Variants in PCDHA1 observed in about 807,000 individuals in gnomAD.
PCDHA1 encodes protocadherin alpha 1.
In PCDHA1, 42 loss-of-function variants were observed where a neutral mutation model predicts 61.3. That is an observed-to-expected ratio of 0.69 (90% confidence interval 0.54 to 0.89). PCDHA1 has a LOEUF of 0.89. Among genes scored for constraint, PCDHA1 ranks in the 40% least tolerant of loss-of-function variants. The probability of loss-of-function intolerance (pLI) is 0.00; values close to 1 mark genes in which losing one functional copy is unlikely to be tolerated. For missense variants in PCDHA1, 1,256 were observed against 1,235.3 expected (o/e 1.02, Z -0.25); for synonymous variants, 610 against 553.8 (o/e 1.10, Z -1.43).
intron 1 of PCDHA1, chr5:140,857,244 C>A: frequency 6.3e-7 from 1 of 1,598,592 alleles, no homozygotes; most frequent in Admixed American, 1.7e-5. Flanking sequence ...CTGGTGTCCA[C>A]CTACAAGAAT....
chr5:140,929,140 C>T, intron 1 of PCDHA1: 1 of 1,614,176 alleles, frequency 6.2e-7, no homozygotes, highest in Non-Finnish European at 8.5e-7. Context: ...AGTTGAGAGA[C>T]TTTCTCAGAC....
chr5:140,795,421 C>T (rs1455113035), intron 1 of PCDHA1: 53 of 1,614,158 alleles, frequency 3.3e-5, no homozygotes, highest in Non-Finnish European at 4.4e-5. Flanking sequence ...TTCTCGGTTT[C>T]CTCTAGAGGG....
chr5:140,968,307 A>G (rs1554230602), intron 1 of PCDHA1: 1 of 1,613,964 alleles, frequency 6.2e-7, no homozygotes, highest in South Asian at 1.1e-5. Context: ...AGGGAGATTC[A>G]AGGGCTGCCA....
rs370205855 is a variant in PCDHA1, at chr5:140,802,282, A to T, written c.2394+13598A>T. On this transcript the variant is annotated intron_variant, in intron 1 of 3. Transcript: ENST00000504120. ...TCACTATCTTTACCTGTATTAGAAGACTCTCCACTTAGCACAGTCATCGCT... is the reference window on the plus strand; with the variant it reads ...TCACTATCTTTACCTGTATTAGAAGTCTCTCCACTTAGCACAGTCATCGCT... 1.9e-6 allele frequency: 3 copies of T among 1,614,108 alleles called. No homozygotes were observed. The highest frequency in any genetic ancestry group is 1.6e-4 in the Middle Eastern group (1 of 6,062).
At chr5:140,926,908 G>C (rs950305439) in intron 1 of PCDHA1, 2 of 1,560,316 alleles carry the variant, frequency 1.3e-6, no homozygotes, top group Admixed American at 1.8e-5. Flanking sequence ...GGGCTGTGGG[G>C]TGGCAGTTTT....
At chr5:140,872,181 G>T (rs2053527538) in intron 1 of PCDHA1, among the ~76,000 whole-genome samples, 1 of 151,138 alleles carries the variant, frequency 6.6e-6, no homozygotes, top group Admixed American at 6.6e-5. Flanking sequence ...TTTTTTTACA[G>T]TGTTAAACGT....
chr5:140,916,022 A>G (rs982398362), intron 1 of PCDHA1, among the ~76,000 whole-genome samples: 1 of 151,978 alleles, frequency 6.6e-6, no homozygotes, highest in Non-Finnish European at 1.5e-5. Context: ...AGTCTTTCCC[A>G]TTCTTCCCTC....
At chr5:140,830,159 G>A (rs2150182204) in intron 1 of PCDHA1, 33 of 1,613,266 alleles carry the variant, frequency 2.0e-5, no homozygotes, top group Non-Finnish European at 2.7e-5. Flanking sequence ...CGCGGGCCCA[G>A]AGGCGGCGCT....
At chr5:140,920,636 G>C (rs1477753704) in intron 1 of PCDHA1, among the ~76,000 whole-genome samples, 1 of 152,096 alleles carries the variant, frequency 6.6e-6, no homozygotes, top group Non-Finnish European at 1.5e-5. Context: ...ACAAGGTCAA[G>C]AGATTGAGAC....
chr5:140,823,140 G>A (rs2150122762), intron 1 of PCDHA1: 8 of 1,613,882 alleles, frequency 5.0e-6, no homozygotes, highest in Non-Finnish European at 6.8e-6. Context: ...CGGCGTTCGC[G>A]CAGCCCCAGT....
At chr5:140,851,067 G>T in intron 1 of PCDHA1, 7 of 1,367,668 alleles carry the variant, frequency 5.1e-6, no homozygotes, top group Non-Finnish European at 6.7e-6. Context: ...CTTCTAGTGA[G>T]AATTATAAAC....
At chr5:140,937,705 G>T (rs892429555) in intron 1 of PCDHA1, among the ~76,000 whole-genome samples, 2 of 151,928 alleles carry the variant, frequency 1.3e-5, no homozygotes, top group Admixed American at 6.6e-5. Context: ...GAGGTCAGGA[G>T]ATCAAGACCA....
At chr5:140,795,228 T>G (rs1554119306) in intron 1 of PCDHA1, 1 of 1,614,220 alleles carries the variant, frequency 6.2e-7, no homozygotes, top group South Asian at 1.1e-5. Context: ...TTGTGAATTC[T>G]CGGATCGACC....
At chr5:140,890,245 A>G (rs2062563165) in intron 1 of PCDHA1, among the ~76,000 whole-genome samples, 1 of 152,146 alleles carries the variant, frequency 6.6e-6, no homozygotes, top group Admixed American at 6.5e-5. Context: ...TTACCAGTAC[A>G]CTACTGCACC....
intron 1 of PCDHA1, among the ~76,000 whole-genome samples, chr5:140,885,485 TTC>T (rs1412041657): frequency 1.3e-5 from 2 of 152,188 alleles, no homozygotes; most frequent in Admixed American, 6.5e-5. Context: ...GTGTCAAGTG[TTC>T]TGTTATCTTC....
At chr5:140,915,841 G>A (rs1315300132) in intron 1 of PCDHA1, among the ~76,000 whole-genome samples, 1 of 152,098 alleles carries the variant, frequency 6.6e-6, no homozygotes, top group African/African-American at 2.4e-5. Context: ...GATCAGCAGG[G>A]GGTGACACCA....
At chr5:140,993,831 T>C (rs2097584101) in intron 3 of PCDHA1, among the ~76,000 whole-genome samples, 1 of 152,190 alleles carries the variant, frequency 6.6e-6, no homozygotes, top group South Asian at 2.1e-4. Flanking sequence ...CTATACCATA[T>C]AGCCTAGGTA....
Position 140,830,236 on chromosome 5 carries a change from A to G in PCDHA1, c.2394+41552A>G, listed in dbSNP as rs148703931. On this transcript the variant is annotated intron_variant, in intron 1 of 3. Transcript: ENST00000504120. The stretch of plus-strand genomic sequence containing the variant: ...TATCCAGCCTGCTGGTCCTCACGCT[A>G]CTGCTGTACACAGCGCTGCGGTGCT... 2,313 of 1,613,834 alleles carry G rather than the reference A, an allele frequency of 1.4e-3. 31 individuals are homozygous for G. The African/African-American group carries it at 0.027, about 19-fold the overall frequency.
chr5:140,850,250 G>T (rs2150475592), intron 1 of PCDHA1: 2 of 1,594,024 alleles, frequency 1.3e-6, no homozygotes, highest in South Asian at 2.2e-5. Flanking sequence ...TGCGGTCGGT[G>T]GGCGCCGGCG....
Sources: gnomAD v4.1 joint callset for allele counts (sites outside exome capture counted in the v4.1 genomes callset) on GRCh38, gnomAD v4.1.1 for gene constraint, MANE v1.5 for transcripts, NCBI Gene and HGNC (gene_info 2026-07-23, HGNC 2026-07-21) for gene names.